The following CEP250 variants were observed in gnomAD, a reference collection of about 807,000 sequenced individuals.
CEP250 encodes the protein centrosomal protein 250.
CEP250 carries 242 observed loss-of-function variants against 315.7 expected under a neutral mutation model. The observed-to-expected ratio is 0.77, with a 90% CI of 0.69 to 0.85. CEP250 has a LOEUF of 0.85. CEP250 is among the 40% of genes least tolerant of loss of function. CEP250 has a pLI of 0.00. For synonymous variants in CEP250, 1,088 were observed against 1,175.0 expected, an observed-to-expected ratio of 0.93 and a Z score of 1.51; for missense variants, 2,515 against 2,886.4, an observed-to-expected ratio of 0.87 and a Z score of 2.95.
chr20:35,466,906 T>G, intron 7 of CEP250, 60 bp from the exon 8 acceptor site: 1 of 1,071,826 alleles, frequency 9.3e-7, no homozygotes, highest in Non-Finnish European at 1.5e-6. Flanking sequence ...TCCAAGACTC[T>G]TGTGTTGGCA....
chr20:35,499,560 C>T (rs1448425925), intron 27 of CEP250, among the ~76,000 whole-genome samples: 4 of 152,134 alleles, frequency 2.6e-5, no homozygotes, highest in Admixed American at 2.6e-4. Flanking sequence ...CTGGTCTCTG[C>T]CTAAAGAAGG....
At chr20:35,476,789 C>G in intron 16 of CEP250, 194 bp downstream of exon 16, 1 of 500,566 alleles carries the variant, frequency 2.0e-6, no homozygotes. Flanking sequence ...CACCTCTGGA[C>G]TTCAGGGTAA....
At position 35,478,120 on chromosome 20, in the gene CEP250, C is replaced by T. The variant is rs772237396; in HGVS notation, c.2094+19C>T. 5 of 1,495,626 alleles carry T rather than the reference C, an allele frequency of 3.3e-6. No homozygotes were observed. In the South Asian group the frequency reaches 3.4e-5, roughly 10 times the overall value. The allele number at this position is 1,495,626 out of a possible 1,614,324, so 92.6% of individuals were successfully genotyped here. ...AAGTGAGGTGAGAAGCCAAAATGGA[C>T]ACCATCATGTCTAGGTGTAATATAT... On this transcript the variant is annotated intron_variant, in intron 17 of 34. Transcript: ENST00000397527.
chr20:35,509,654 C>G (rs184652560), intron 33 of CEP250, among the ~76,000 whole-genome samples: 1 of 152,232 alleles, frequency 6.6e-6, no homozygotes, highest in Non-Finnish European at 1.5e-5. Flanking sequence ...GGGCAGGCAC[C>G]GTGTCTTCCT....
chr20:35,517,050 C>T lies in CEP250; in HGVS notation c.*5424C>T, dbSNP rs567041319. Reference sequence around the variant, plus strand: ...ACTGAGAAAAGTGGGAAGCCATGGTCACAGACTCTACATTCCCCTCTCCTG... The same window carrying T: ...ACTGAGAAAAGTGGGAAGCCATGGTTACAGACTCTACATTCCCCTCTCCTG... On this transcript the variant is annotated 3_prime_UTR_variant, in exon 35 of 35. Coordinates refer to ENST00000397527, the MANE Select transcript of CEP250 (RefSeq NM_007186.6). 4.8e-5 allele frequency: 47 copies of T among 985,042 alleles called. No homozygotes were observed. The African/African-American group carries it at 8.0e-4, about 17-fold the overall frequency. The allele number at this position is 985,042 out of a possible 1,614,324, so 61.0% of individuals were successfully genotyped here. A position where few individuals can be genotyped will look rare whatever the true frequency, so the allele number is the denominator to read the frequency against.
chr20:35,504,036 G>A lies in CEP250; in HGVS notation c.5667G>A (p.Leu1889=), dbSNP rs1280020860. 6.2e-7 allele frequency: 1 copy of A among 1,607,096 alleles called. No individual in the cohort carries two copies. The highest frequency in any genetic ancestry group is 2.2e-5 in the East Asian group (1 of 44,794). ...GGGTCCAGGCCCTGGAGGAGGTGCTGGGAGACCTAAGGGCTGAGTCTCGGG... is the reference window on the plus strand; with the variant it reads ...GGGTCCAGGCCCTGGAGGAGGTGCTAGGAGACCTAAGGGCTGAGTCTCGGG... ...GRRVQALEEV[L]GDLRAESREQ... The change falls in exon 30 of 35, where the codon CTG becomes CTA. Residue 1889 remains leucine, a synonymous_variant. Coordinates refer to ENST00000397527, the MANE Select transcript of CEP250 (RefSeq NM_007186.6).
chr20:35,503,340 C>T lies in CEP250; in HGVS notation c.4971C>T (p.Asp1657=). The change falls in exon 30 of 35, where the codon GAC becomes GAT. Residue 1657 remains aspartate (D), a synonymous_variant. Transcript: ENST00000397527. The surrounding 1 kb of genome is among the most constrained non-coding windows in gnomAD (Gnocchi z 4.2). Reference sequence around the variant, plus strand: ...TGACTCAGGATCTCGAGAGGAGAGACCAGGAGCTGATGCTGCAGAAGGAGA... The same window carrying T: ...TGACTCAGGATCTCGAGAGGAGAGATCAGGAGCTGATGCTGCAGAAGGAGA... The part of the protein sequence containing the change: ...EHLTQDLERR[D]QELMLQKERI... 6.2e-7 allele frequency: 1 copy of T among 1,614,064 alleles called. No homozygotes were observed. The highest frequency in any genetic ancestry group is 1.1e-5 in the South Asian group (1 of 91,078).
At chr20:35,496,449 T>C in intron 24 of CEP250, 128 bp from the exon 25 acceptor site, 1 of 848,412 alleles carries the variant, frequency 1.2e-6, no homozygotes, top group East Asian at 2.7e-5. Flanking sequence ...CTTTTATTGT[T>C]ACATCATAAT....
Position 35,473,536 on chromosome 20 carries a change from G to A in CEP250, c.1372G>A (p.Val458Met). The A allele has an allele frequency of 6.2e-7, 1 of 1,613,056 alleles. No individual in the cohort carries two copies. The highest frequency in any genetic ancestry group is 8.5e-7 in the Non-Finnish European group (1 of 1,179,504). ...AGQTVDLQGE[V>M]DSLSKERELL... The stretch of plus-strand genomic sequence containing the variant: ...GCAGACTGTGGACCTCCAGGGAGAG[G>A]TGGACTCTCTCAGCAAGTGAGCAGA... Residue 458 changes from valine to methionine, a missense_variant, in exon 13 of 35, where the codon GTG (valine) becomes ATG (methionine). Val to Met is a conservative substitution (Grantham distance 21, BLOSUM62 1). Transcript: ENST00000397527.
intron 16 of CEP250, 166 bp downstream of exon 16, chr20:35,476,761 C>A: frequency 1.8e-6 from 1 of 567,082 alleles, no homozygotes; most frequent in Non-Finnish European, 3.0e-6. Flanking sequence ...TATTCCCCTC[C>A]CACACCTCCA....
chr20:35,501,054 G>A (rs1412216303), intron 28 of CEP250, among the ~76,000 whole-genome samples: 1 of 152,184 alleles, frequency 6.6e-6, no homozygotes, highest in Admixed American at 6.5e-5. Context: ...GCTTATTTGG[G>A]AGAAAGCAAA....
intron 21 of CEP250, 64 bp downstream of exon 21, chr20:35,490,868 C>T: frequency 6.4e-7 from 1 of 1,563,062 alleles, no homozygotes; most frequent in Non-Finnish European, 8.7e-7. Flanking sequence ...TGACCACTTC[C>T]TTTTCTACTC....
Position 35,511,569 on chromosome 20 carries a change from C to T in CEP250, c.7272C>T (p.Ser2424=). ...LDESLTQSLT[S]PGPVLLHPSP... ...AGTCCCTGACTCAAAGTCTGACATC[C>T]CCAGGGCCAGTCCTGCTACACCCCA... The change falls in exon 35 of 35, where the codon TCC becomes TCT. Residue 2424 remains serine, a synonymous_variant. Transcript: ENST00000397527. 1 of 1,613,816 alleles carries T rather than the reference C, an allele frequency of 6.2e-7. No homozygotes were observed. The highest frequency in any genetic ancestry group is 8.5e-7 in the Non-Finnish European group (1 of 1,179,986).
At position 35,479,763 on chromosome 20, in the gene CEP250, A is replaced by C. The variant is rs1323220526; in HGVS notation, c.2406A>C (p.Glu802Asp). The change falls in exon 19 of 35, where the codon GAA becomes GAC. Residue 802 changes from glutamate (E) to aspartate (D), a missense_variant. Transcript: ENST00000397527. ...VQIQTVTQAK[E>D]VIQGEVRCLK... is the part of the protein sequence containing the mutation. ...TTCAAACTGTCACTCAAGCCAAGGA[A>C]GTAATCCAAGGTGAGAACCCAACTG... 1.9e-6 allele frequency: 3 copies of C among 1,614,110 alleles called. No homozygotes were observed. The highest frequency in any genetic ancestry group is 2.5e-6 in the Non-Finnish European group (3 of 1,180,050).
intron 17 of CEP250, among the ~76,000 whole-genome samples, chr20:35,478,502 T>C (rs1448812509): frequency 6.6e-6 from 1 of 152,042 alleles, no homozygotes; most frequent in Non-Finnish European, 1.5e-5. Flanking sequence ...GAGGCGGAGG[T>C]TGCAGTGAGC....
rs77804973 is a variant in CEP250 at position 35,497,881 on chromosome 20, C to T, written c.3469C>T (p.Arg1157Cys). 3.3e-4 allele frequency: 523 copies of T among 1,602,544 alleles called. 4 individuals are homozygous for T. The East Asian group carries it at 0.011, about 33-fold the overall frequency. The change falls in exon 26 of 35, where the codon CGC becomes TGC. Residue 1157 changes from arginine (R) to cysteine (C), a missense_variant. Transcript: ENST00000397527. ...GGCAGCCCAACTACAGCTGCGACTG[C>T]GCAGCACAGAGAGCCAGCTAGAAGC... Reference protein sequence around the residue: ...AKAAQLQLRLRSTESQLEALA... With the variant: ...AKAAQLQLRLCSTESQLEALA...
chr20:35,509,301 C>G (rs2064287633), intron 33 of CEP250, among the ~76,000 whole-genome samples: 1 of 152,170 alleles, frequency 6.6e-6, no homozygotes, highest in Non-Finnish European at 1.5e-5. Flanking sequence ...CAGACCAGTG[C>G]CACAGGCTGG....
In CEP250 at chr20:35,511,557, AAG is replaced by A; in HGVS notation, c.7261_7262del (p.Leu2422AspfsTer84). The A allele has an allele frequency of 6.2e-7, 1 of 1,613,992 alleles. No individual in the cohort carries two copies. Among genetic ancestry groups the A allele is most frequent in the Non-Finnish European group, 8.5e-7 (1 of 1,180,000 alleles). On this transcript the variant is annotated frameshift_variant, in exon 35 of 35. Coordinates refer to ENST00000397527, the MANE Select transcript of CEP250 (RefSeq NM_007186.6). LOFTEE classifies it high-confidence loss of function. ...TRRLDESLTQ[S>X]LTSPGPVLLH... Reference sequence around the variant, plus strand: ...GCAGGCTGGATGAGTCCCTGACTCAAAGTCTGACATCCCCAGGGCCAGTCCTG... The same window carrying A: ...GCAGGCTGGATGAGTCCCTGACTCAATCTGACATCCCCAGGGCCAGTCCTG...
chr20:35,503,234 C>T lies in CEP250; in HGVS notation c.4865C>T (p.Ala1622Val). The T allele has an allele frequency of 6.2e-7, 1 of 1,614,142 alleles. No individual in the cohort carries two copies. The highest frequency in any genetic ancestry group is 1.1e-5 in the South Asian group (1 of 91,076). Residue 1622 changes from alanine (A) to valine (V), a missense_variant, in exon 30 of 35, where the codon GCA becomes GTA. Physicochemically the swap from Ala to Val is moderately conservative, Grantham distance 64. Coordinates refer to ENST00000397527, the MANE Select transcript of CEP250 (RefSeq NM_007186.6). This position sits in a 1 kb window ranked among gnomAD's most constrained non-coding sequence, Gnocchi z 4.2. ...CTGGAGAGCCACAGCACCGTTCTGG[C>T]AAGAGAGCTGCAGGAGAGGGACCAG... ...HDLESHSTVL[A>V]RELQERDQEV...
Sources: allele counts gnomAD v4.1 joint callset (sites outside exome capture counted in the v4.1 genomes callset), GRCh38; gene constraint gnomAD v4.1.1; non-coding constraint Gnocchi (gnomAD v3.1); transcripts MANE v1.5; gene names NCBI Gene and HGNC (gene_info 2026-07-23, HGNC 2026-07-21).